TRIM36: variants seen among roughly 807,000 people sequenced by gnomAD.
The protein encoded by TRIM36 is tripartite motif containing 36, also known as E3 ubiquitin-protein ligase TRIM36.
In TRIM36, 42 loss-of-function variants were observed where a neutral mutation model predicts 72.4. The ratio of observed to expected loss-of-function variants is 0.58; its 90% CI spans 0.45 to 0.75. The LOEUF is 0.75. Among genes scored for constraint, TRIM36 ranks in the 30% least tolerant of loss-of-function variants. The probability of loss-of-function intolerance (pLI) is 0.00; values close to 1 mark genes in which losing one functional copy is unlikely to be tolerated. For missense variants in TRIM36, 913 were observed against 857.1 expected, an observed-to-expected ratio of 1.07 and a Z score of -0.81; for synonymous variants, 315 against 282.8, an observed-to-expected ratio of 1.11 and a Z score of -1.14.
chr5:115,178,771 C>T (rs1755465212), intron 1 of TRIM36, among the ~76,000 whole-genome samples: 1 of 152,168 alleles, frequency 6.6e-6, no homozygotes, highest in Non-Finnish European at 1.5e-5. Context: ...AATGAATATT[C>T]TGTTTCTGAT....
intron 7 of TRIM36, 25 bp downstream of exon 7, chr5:115,136,975 G>T: frequency 6.5e-7 from 1 of 1,543,370 alleles, no homozygotes; most frequent in South Asian, 1.3e-5. Flanking sequence ...AAAAGAATGA[G>T]GTTTTTGCCT....
At chr5:115,146,954 T>C in intron 3 of TRIM36, 115 bp downstream of exon 3, 2 of 1,134,676 alleles carry the variant, frequency 1.8e-6, no homozygotes, top group Non-Finnish European at 2.4e-6. Flanking sequence ...CTTTTAAAGT[T>C]ATTTCCTTTC....
At chr5:115,149,058 G>A (rs1320304098) in intron 2 of TRIM36, 1 of 152,054 alleles carries the variant, frequency 6.6e-6, no homozygotes, top group Non-Finnish European at 1.5e-5. Context: ...CAAACATGCA[G>A]AATATTTTTA....
At chr5:115,175,791 T>G (rs1214200704) in intron 1 of TRIM36, among the ~76,000 whole-genome samples, 1 of 152,120 alleles carries the variant, frequency 6.6e-6, no homozygotes, top group Non-Finnish European at 1.5e-5. Context: ...GCACATACAT[T>G]TCACCCAATT....
intron 6 of TRIM36, 22 bp downstream of exon 6, chr5:115,137,341 A>G (rs1753017742): frequency 6.3e-7 from 1 of 1,590,038 alleles, no homozygotes; most frequent in East Asian, 2.2e-5. Flanking sequence ...TAGGTTCTAA[A>G]GTTAGAAGTA....
At chr5:115,146,410 T>C (rs1023331026) in intron 3 of TRIM36, among the ~76,000 whole-genome samples, 4 of 152,156 alleles carry the variant, frequency 2.6e-5, no homozygotes, top group African/African-American at 4.8e-5. Context: ...AACTCAACCA[T>C]AGGTTTTTAA....
chr5:115,131,717 A>C (rs933401518), intron 8 of TRIM36, among the ~76,000 whole-genome samples: 1 of 152,226 alleles, frequency 6.6e-6, no homozygotes, highest in African/African-American at 2.4e-5. Flanking sequence ...TGTATGATAC[A>C]TGCTACATGT....
chr5:115,133,557 A>T (rs1323548544), intron 8 of TRIM36, among the ~76,000 whole-genome samples: 1 of 152,222 alleles, frequency 6.6e-6, no homozygotes, highest in Non-Finnish European at 1.5e-5. Context: ...TAAAACTTTT[A>T]AAATAGCATT....
At chr5:115,157,083 T>C (rs1186629759) in intron 2 of TRIM36, among the ~76,000 whole-genome samples, 1 of 151,304 alleles carries the variant, frequency 6.6e-6, no homozygotes, top group Non-Finnish European at 1.5e-5. Context: ...TACTATATGA[T>C]CAAGGAGATG....
At chr5:115,151,884 C>T (rs189530103) in intron 2 of TRIM36, among the ~76,000 whole-genome samples, 2 of 152,236 alleles carry the variant, frequency 1.3e-5, no homozygotes, top group African/African-American at 4.8e-5. Flanking sequence ...GAACAGCAAC[C>T]TTGAGCCCTA....
At chr5:115,142,092 G>C (rs1753308281) in intron 4 of TRIM36, among the ~76,000 whole-genome samples, 1 of 152,054 alleles carries the variant, frequency 6.6e-6, no homozygotes. Context: ...AGTTGTAACA[G>C]AAAAATGTAT....
Position 115,126,629 on chromosome 5 carries a change from G to T in TRIM36, c.2025C>A (p.Cys675Ter), listed in dbSNP as rs778054545. Residue 675 changes from cysteine (C) to a stop codon, truncating the protein, a stop_gained, in exon 10 of 10, where the codon TGC becomes TGA. Transcript: ENST00000513154. LOFTEE classifies it high-confidence loss of function. Reference protein sequence around the residue: ...VDFYDMDQMKCLYERQVDCSH... With the variant: ...VDFYDMDQMK ...AACAGTCCACTTGGCGTTCATAAAGGCATTTCATCTGATCCATATCATAGA... is the reference window on the plus strand; with the variant it reads ...AACAGTCCACTTGGCGTTCATAAAGTCATTTCATCTGATCCATATCATAGA... The T allele has an allele frequency of 6.2e-7, 1 of 1,613,978 alleles. No individual in the cohort carries two copies. The highest frequency in any genetic ancestry group is 1.3e-5 in the African/African-American group (1 of 74,922).
At chr5:115,164,671 G>A (rs1405460646) in intron 1 of TRIM36, among the ~76,000 whole-genome samples, 1 of 152,190 alleles carries the variant, frequency 6.6e-6, no homozygotes, top group African/African-American at 2.4e-5. Flanking sequence ...TACAATTCAA[G>A]ATAAGATTTG....
At chr5:115,128,659 G>T (rs2112761189) in intron 9 of TRIM36, among the ~76,000 whole-genome samples, 1 of 146,152 alleles carries the variant, frequency 6.8e-6, no homozygotes, top group Middle Eastern at 3.5e-3. Flanking sequence ...GGCTGAGGCA[G>T]GAGAATGGCG....
chr5:115,157,146 T>C (rs141529663), intron 2 of TRIM36, among the ~76,000 whole-genome samples: 1 of 126,738 alleles, frequency 7.9e-6, no homozygotes, highest in Non-Finnish European at 1.7e-5. Context: ...ATGGCCATAA[T>C]AAAAAAAAAA....
At chr5:115,171,267 A>G (rs770671319), upstream of TRIM36, 18 of 1,610,016 alleles carry the variant, frequency 1.1e-5, no homozygotes, top group African/African-American at 6.7e-5. Context: ...GACTATAGCA[A>G]TTTTCTCTAA....
chr5:115,169,902 G>T lies in TRIM36; in HGVS notation c.-268C>A, dbSNP rs557796838. On this transcript the variant is annotated 5_prime_UTR_variant, in exon 1 of 10. Transcript: ENST00000513154. ...TGCCGGCTGCAGCAGCGGCTCCTGCGGACTGCGGCTGGGAACGGCGCCGCG... is the reference window on the plus strand; with the variant it reads ...TGCCGGCTGCAGCAGCGGCTCCTGCTGACTGCGGCTGGGAACGGCGCCGCG... 9.3e-6 allele frequency: 12 copies of T among 1,293,302 alleles called. No homozygotes were observed. The South Asian group carries it at 2.2e-4, about 24-fold the overall frequency. 80.1% of individuals were successfully genotyped at this position (1,293,302 alleles called of 1,614,324 possible). A position where few individuals can be genotyped will look rare whatever the true frequency, so the allele number is the denominator to read the frequency against.
At position 115,137,454 on chromosome 5, in the gene TRIM36, C is replaced by G. The variant is rs969014028; in HGVS notation, c.994G>C (p.Glu332Gln). The G allele has an allele frequency of 4.3e-6, 7 of 1,614,166 alleles. No individual in the cohort carries two copies. Among genetic ancestry groups the G allele is most frequent in the Admixed American group, 1.7e-5 (1 of 60,022 alleles). Residue 332 changes from glutamate to glutamine, a missense_variant, in exon 6 of 10, where the codon GAG becomes CAG. Transcript: ENST00000513154. ...GCATATCCCACAAGTCCATTGTTCT[C>G]TAGAAGTCCCTGGTACTCTTCCATT... ...TQMEEYQGLL[E>Q]NNGLVGYAQE...
At chr5:115,176,041 G>A (rs910416354) in intron 1 of TRIM36, among the ~76,000 whole-genome samples, 2 of 152,082 alleles carry the variant, frequency 1.3e-5, no homozygotes, top group Non-Finnish European at 2.9e-5. Flanking sequence ...TAGGAGAATC[G>A]CTTGAACCCA....
Sources: allele counts gnomAD v4.1 joint callset (sites outside exome capture counted in the v4.1 genomes callset), GRCh38; gene constraint gnomAD v4.1.1; transcripts MANE v1.5; gene names NCBI Gene and HGNC (gene_info 2026-07-23, HGNC 2026-07-21).